The following SELENOS variants were observed in gnomAD, a reference collection of about 807,000 sequenced individuals.
SELENOS encodes selenoprotein S, also known as VCP interacting membrane selenoprotein.
Under a neutral mutation model 30.2 loss-of-function variants are expected in SELENOS, and 37 were observed. That is an observed-to-expected ratio of 1.23 (90% confidence interval 0.94 to 1.61). The LOEUF (loss-of-function observed/expected upper bound fraction) is 1.61, where lower values mean the gene tolerates loss of function less well. Among genes scored for constraint, SELENOS ranks in the 40% most tolerant of loss-of-function variants. The probability of loss-of-function intolerance (pLI) is 0.00; values close to 1 mark genes in which losing one functional copy is unlikely to be tolerated. For synonymous variants in SELENOS, 119 were observed against 91.6 expected (o/e 1.30, Z -1.71); for missense variants, 289 against 231.8 (o/e 1.25, Z -1.60).
At chr15:101,271,051 T>C (rs1471615351), downstream of SELENOS, 2 of 152,176 alleles carry the variant, frequency 1.3e-5, no homozygotes, top group Non-Finnish European at 2.9e-5. Context: ...TTTATTTCTA[T>C]TTATAACAAA....
rs2039301082 is a variant in SELENOS at position 101,274,466 on chromosome 15, T to G, written c.438A>C (p.Ser146=). ...QEEDSPGPST[S]SVLKRKSDRK... ...TGTCCGATTTCCGTTTCAGGACAGA[T>G]GAAGTGGAAGGCCCAGGACTGTCTT... The change falls in exon 5 of 6, where the codon TCA becomes TCC. Residue 146 remains serine, a synonymous_variant. Coordinates refer to ENST00000526049, the MANE Select transcript of SELENOS (RefSeq NM_018445.6). 1 of 1,609,736 alleles carries G rather than the reference T, an allele frequency of 6.2e-7. No individual in the cohort carries two copies. Among genetic ancestry groups the G allele is most frequent in the Non-Finnish European group, 8.5e-7 (1 of 1,177,872 alleles).
intron 5 of SELENOS, chr15:101,274,160 C>A: frequency 1.9e-6 from 1 of 535,260 alleles, no homozygotes; most frequent in East Asian, 3.1e-5. Context: ...TGAAGATTGG[C>A]AGACAATTCC....
intron 2 of SELENOS, among the ~76,000 whole-genome samples, chr15:101,276,037 C>T (rs2039322903): frequency 6.6e-6 from 1 of 151,748 alleles, no homozygotes; most frequent in African/African-American, 2.4e-5. Flanking sequence ...TTTCTCCTGC[C>T]TCAGCCACCC....
At chr15:101,277,230 G>A (rs755247373) in intron 1 of SELENOS, 112 bp downstream of exon 1, 12 of 1,501,876 alleles carry the variant, frequency 8.0e-6, no homozygotes, top group Non-Finnish European at 1.1e-5. Context: ...ACGCCCGACC[G>A]TTCCCAGGCC....
chr15:101,277,100 C>A (rs1232426886), intron 1 of SELENOS: 2 of 740,634 alleles, frequency 2.7e-6, no homozygotes, highest in East Asian at 5.5e-5. Flanking sequence ...ACAGGAAGGG[C>A]TTGGTTCGCA....
chr15:101,276,692 T>C lies in SELENOS; in HGVS notation c.77-17A>G, dbSNP rs748603085. The C allele has an allele frequency of 4.9e-5, 78 of 1,595,708 alleles. No homozygotes were observed. Among genetic ancestry groups the C allele is most frequent in the Non-Finnish European group, 6.4e-5 (75 of 1,174,580 alleles). ...GGGAGCCCACTGAAAAGAAAAACAG[T>C]TTTCAAAAAACTAAAAATGACACTA... On this transcript the variant is annotated splice_polypyrimidine_tract_variant and intron_variant, in intron 1 of 5. Transcript: ENST00000526049.
At chr15:101,271,030 A>G (rs1405591136), downstream of SELENOS, 1 of 152,046 alleles carries the variant, frequency 6.6e-6, no homozygotes, top group Non-Finnish European at 1.5e-5. Context: ...ATACCCCTCT[A>G]CTTTTTGTCG....
chr15:101,270,996 T>C (rs2039261685), downstream of SELENOS: 1 of 152,210 alleles, frequency 6.6e-6, no homozygotes, highest in African/African-American at 2.4e-5. Context: ...AGGTAGTCAG[T>C]CACATCTAAT....
intron 3 of SELENOS, 106 bp from the exon 4 acceptor site, chr15:101,274,787 T>C: frequency 8.6e-7 from 1 of 1,169,540 alleles, no homozygotes; most frequent in Non-Finnish European, 1.2e-6. Context: ...CAGAACAAAC[T>C]TCACCCTCGT....
At chr15:101,275,209 C>T (rs1338078832) in intron 3 of SELENOS, 46 bp downstream of exon 3, 1 of 1,486,272 alleles carries the variant, frequency 6.7e-7, no homozygotes, top group African/African-American at 1.4e-5. Flanking sequence ...GCCACTAAAC[C>T]TCAGACAATT....
chr15:101,276,916 C>A (rs117350182), intron 1 of SELENOS: 4 of 545,240 alleles, frequency 7.3e-6, no homozygotes, highest in Non-Finnish European at 1.3e-5. Context: ...GTGTGGAGGG[C>A]ACAGCAACTG....
In SELENOS at chr15:101,274,509, C is replaced by A. The variant is rs1197985729; in HGVS notation, c.409-14G>T. 28 of 1,607,760 alleles carry A rather than the reference C, an allele frequency of 1.7e-5. No individual in the cohort carries two copies. Among genetic ancestry groups the A allele is most frequent in the Non-Finnish European group, 2.4e-5 (28 of 1,176,708 alleles). On this transcript the variant is annotated splice_polypyrimidine_tract_variant and intron_variant, in intron 4 of 5. Transcript: ENST00000526049. ...ACTGTCTTCCTCCTGTTTGAACACA[C>A]ACAGTAGTGTAAGAAGCAATTAAAA...
At position 101,272,533 on chromosome 15, in the gene SELENOS, C is replaced by A; in HGVS notation, c.*238G>T. The A allele has an allele frequency of 2.2e-6, 1 of 460,998 alleles. No homozygotes were observed. Among genetic ancestry groups the A allele is most frequent in the Non-Finnish European group, 3.9e-6 (1 of 256,470 alleles). The allele number at this position is 460,998 out of a possible 1,614,324, so 28.6% of individuals were successfully genotyped here. On this transcript the variant is annotated 3_prime_UTR_variant, in exon 6 of 6. Transcript: ENST00000526049. ...CCTTTACCTACCAACTAGCAATTAA[C>A]CATGAAATCAATGAATGCAATCACT...
chr15:101,271,280 T>C (rs2141294937), downstream of SELENOS: 1 of 152,344 alleles, frequency 6.6e-6, no homozygotes, highest in Middle Eastern at 3.4e-3. Context: ...GATGAAATAT[T>C]TTAATCCAAG....
Position 101,276,588 on chromosome 15 carries a change from A to C in SELENOS, c.164T>G (p.Leu55Arg). Reference protein sequence around the residue: ...YVVFQKLSARLRALRQRQLDR... With the variant: ...YVVFQKLSARRRALRQRQLDR... ...CAGCTGCCTCTGCCTCAAGGCTCTT[A>C]GCCGGGCGGAAAGCTTCTGAAAGAC... The change falls in exon 2 of 6, where the codon CTA (leucine) becomes CGA (arginine). Residue 55 changes from leucine (L) to arginine (R), a missense_variant. Physicochemically the swap from Leu to Arg is moderately radical, Grantham distance 102. Transcript: ENST00000526049. The C allele has an allele frequency of 6.2e-7, 1 of 1,613,866 alleles. No homozygotes were observed. Among genetic ancestry groups the C allele is most frequent in the Non-Finnish European group, 8.5e-7 (1 of 1,179,834 alleles).
At chr15:101,271,015 T>TA (rs1438330104), downstream of SELENOS, 1 of 152,186 alleles carries the variant, frequency 6.6e-6, no homozygotes, top group Admixed American at 6.5e-5. Context: ...ATAGTGTACT[T>TA]AAACATACCC....
At position 101,277,393 on chromosome 15, in the gene SELENOS, A is replaced by G; in HGVS notation, c.25T>C (p.Ser9Pro). 1 of 1,503,186 alleles carries G rather than the reference A, an allele frequency of 6.7e-7. No homozygotes were observed. The highest frequency in any genetic ancestry group is 8.8e-7 in the Non-Finnish European group (1 of 1,133,852). The allele number at this position is 1,503,186 out of a possible 1,614,324, so 93.1% of individuals were successfully genotyped here. A position where few individuals can be genotyped will look rare whatever the true frequency, so the allele number is the denominator to read the frequency against. The change falls in exon 1 of 6, where the codon TCC becomes CCC. Residue 9 changes from serine (S) to proline (P), a missense_variant. By Grantham distance (74) the Ser-to-Pro change is moderately conservative. Coordinates refer to ENST00000526049, the MANE Select transcript of SELENOS (RefSeq NM_018445.6). Reference sequence around the variant, plus strand: ...TCGGTCTCCAGGGCCGGCCGCGCGGACAGAGACTCCTCTTGGCGTTCCATG... The same window carrying G: ...TCGGTCTCCAGGGCCGGCCGCGCGGGCAGAGACTCCTCTTGGCGTTCCATG... MERQEESL[S>P]ARPALETEGL...
At chr15:101,276,448 CTG>C in intron 2 of SELENOS, 91 bp downstream of exon 2, 1 of 1,385,748 alleles carries the variant, frequency 7.2e-7, no homozygotes, top group Non-Finnish European at 9.5e-7. Flanking sequence ...CAGGGTCTTC[CTG>C]TGTGGCCCCT....
rs1001656104 is a variant in SELENOS, at chr15:101,274,791, C to G, written c.319-110G>C. 4.4e-6 allele frequency: 5 copies of G among 1,140,230 alleles called. 1 individual carries two copies. In the South Asian group the frequency reaches 7.2e-5, roughly 17 times the overall value. The allele number at this position is 1,140,230 out of a possible 1,614,324, so 70.6% of individuals were successfully genotyped here. ...TAAATGTCTTTCAGAACAAACTTCA[C>G]CCTCGTTTTCTTTAGTTAATAAAAC... On this transcript the variant is annotated intron_variant, in intron 3 of 5. Transcript: ENST00000526049.
Sources: gnomAD v4.1 joint callset for allele counts (sites outside exome capture counted in the v4.1 genomes callset) on GRCh38, gnomAD v4.1.1 for gene constraint, MANE v1.5 for transcripts, NCBI Gene and HGNC (gene_info 2026-07-23, HGNC 2026-07-21) for gene names.